PUM1: variants seen among roughly 807,000 people sequenced by gnomAD.
PUM1 encodes pumilio RNA binding family member 1.
PUM1 carries 13 observed loss-of-function variants against 131.8 expected under a neutral mutation model. That is an observed-to-expected ratio of 0.10 (90% CI 0.06 to 0.16). PUM1 has a LOEUF of 0.16. Ranked by LOEUF, PUM1 falls within the 10% of genes least tolerant of loss-of-function variation. The pLI is 1.00. For synonymous variants in PUM1, 509 were observed against 556.5 expected, an observed-to-expected ratio of 0.91 and a Z score of 1.20; for missense variants, 961 against 1,512.4, an observed-to-expected ratio of 0.64 and a Z score of 6.05.
intron 12 of PUM1, among the ~76,000 whole-genome samples, chr1:30,966,841 A>ATTATC (rs59269080): frequency 0.016 from 2,461 of 152,064 alleles, 68 homozygotes; most frequent in African/African-American, 0.055. Flanking sequence ...CTCCTCTAAA[A>ATTATC]TTATCTTAAA....
intron 18 of PUM1, among the ~76,000 whole-genome samples, chr1:30,944,376 T>A (rs1639584280): frequency 6.6e-6 from 1 of 152,070 alleles, no homozygotes. Context: ...TAGGAGACTG[T>A]AAGGACTTTG....
At chr1:31,053,433 G>A (rs1056075435) in intron 2 of PUM1, among the ~76,000 whole-genome samples, 22 of 150,804 alleles carry the variant, frequency 1.5e-4, no homozygotes, top group African/African-American at 3.2e-4. Context: ...GCTCTCTGCC[G>A]GGCGCAGTGG....
intron 2 of PUM1, among the ~76,000 whole-genome samples, chr1:31,041,708 T>C (rs1643820835): frequency 6.6e-6 from 1 of 152,202 alleles, no homozygotes; most frequent in Admixed American, 6.5e-5. Flanking sequence ...CTGTGCCTTC[T>C]GCCATGAGTA....
rs763667865 is a variant in PUM1 at position 30,995,227 on chromosome 1, A to G, written c.721-7T>C. ...TGTCTGCATCCCTTGGGCCCTGTTT[A>G]AAAAATAGCTTCAGCTTCACTAATC... On this transcript the variant is annotated splice_polypyrimidine_tract_variant and splice_region_variant and intron_variant, in intron 5 of 21. Transcript: ENST00000426105. 6 of 1,613,578 alleles carry G rather than the reference A, an allele frequency of 3.7e-6. No homozygotes were observed. The Admixed American group carries it at 1.0e-4, about 27-fold the overall frequency.
intron 3 of PUM1, among the ~76,000 whole-genome samples, chr1:31,009,614 AAAAATT>A (rs1329739357): frequency 1.3e-5 from 2 of 151,940 alleles, no homozygotes; most frequent in African/African-American, 4.8e-5. Flanking sequence ...TAAAAAACTC[AAAAATT>A]AGCTGCGTAT....
chr1:31,023,924 CAA>C (rs11373685), intron 3 of PUM1, among the ~76,000 whole-genome samples: 16 of 82,130 alleles, frequency 1.9e-4, no homozygotes, highest in Non-Finnish European at 2.9e-4. Context: ...GACTCTGTCT[CAA>C]AAAAAAAAAA....
chr1:31,058,421 G>A (rs927932215), intron 2 of PUM1, among the ~76,000 whole-genome samples: 6 of 152,168 alleles, frequency 3.9e-5, no homozygotes, highest in Non-Finnish European at 8.8e-5. Flanking sequence ...AGCACTTTGG[G>A]AGGCCGAGAT....
intron 3 of PUM1, among the ~76,000 whole-genome samples, chr1:31,026,624 T>C (rs2124543215): frequency 6.6e-6 from 1 of 152,344 alleles, no homozygotes; most frequent in Middle Eastern, 3.4e-3. Context: ...TTTACCCTAA[T>C]TAAGGGCACA....
At chr1:31,065,008 C>T (rs1374827992) in intron 1 of PUM1, among the ~76,000 whole-genome samples, 1 of 152,080 alleles carries the variant, frequency 6.6e-6, no homozygotes, top group Admixed American at 6.6e-5. Flanking sequence ...CAAGCTCACA[C>T]GGAAACAAAA....
chr1:30,995,792 G>A (rs1443831028), intron 5 of PUM1, among the ~76,000 whole-genome samples: 1 of 152,072 alleles, frequency 6.6e-6, no homozygotes, highest in Non-Finnish European at 1.5e-5. Flanking sequence ...CTGTCAATTT[G>A]CATCACCTCC....
At chr1:30,963,289 A>C (rs1410100107) in intron 14 of PUM1, among the ~76,000 whole-genome samples, 1 of 152,186 alleles carries the variant, frequency 6.6e-6, no homozygotes, top group African/African-American at 2.4e-5. Context: ...CCCAGTGTTT[A>C]AAGCCAGGCA....
chr1:30,935,706 TC>T (rs1346548838), intron 21 of PUM1: 2 of 440,452 alleles, frequency 4.5e-6, no homozygotes, highest in African/African-American at 2.0e-5. Context: ...AGAACTTGAG[TC>T]CATTAACAAA....
At chr1:30,945,227 C>G in intron 18 of PUM1, 119 bp downstream of exon 18, 2 of 1,163,946 alleles carry the variant, frequency 1.7e-6, no homozygotes, top group Non-Finnish European at 2.5e-6. Flanking sequence ...GAGTGGGATC[C>G]AGTCTCAAAA....
chr1:31,015,405 G>A (rs1442864666), intron 3 of PUM1, among the ~76,000 whole-genome samples: 2 of 151,632 alleles, frequency 1.3e-5, no homozygotes, highest in Non-Finnish European at 2.9e-5. Flanking sequence ...GCAGTGGCAT[G>A]ATCTCGGCTC....
intron 21 of PUM1, 101 bp from the exon 22 acceptor site, chr1:30,933,443 C>G: frequency 4.1e-5 from 13 of 319,058 alleles, no homozygotes; most frequent in Non-Finnish European, 3.9e-5. Flanking sequence ...CACACATACA[C>G]ACACACACAC....
At chr1:31,053,858 G>T (rs1248323131) in intron 2 of PUM1, among the ~76,000 whole-genome samples, 1 of 152,008 alleles carries the variant, frequency 6.6e-6, no homozygotes, top group Admixed American at 6.6e-5. Flanking sequence ...ACTTTGGGAG[G>T]CCGAGGCAGG....
chr1:30,952,496 T>C (rs969175595), intron 15 of PUM1, 133 bp from the exon 16 acceptor site: 1 of 1,302,000 alleles, frequency 7.7e-7, no homozygotes, highest in East Asian at 2.5e-5. Flanking sequence ...ATGCACACAA[T>C]AAACCAAACT....
chr1:31,047,417 T>C (rs1355866371), intron 2 of PUM1, among the ~76,000 whole-genome samples: 3 of 152,234 alleles, frequency 2.0e-5, no homozygotes, highest in African/African-American at 7.2e-5. Context: ...TGGCACTATG[T>C]TGTCAGTTCT....
Position 30,943,219 on chromosome 1 carries a change from T to C in PUM1, c.2995-1096A>G, listed in dbSNP as rs143417393. Reference sequence around the variant, plus strand: ...TTATGATTCCCATGTTCATTTACAATACTGTGAGTTTCTGTAGTTTATTCT... The same window carrying C: ...TTATGATTCCCATGTTCATTTACAACACTGTGAGTTTCTGTAGTTTATTCT... On this transcript the variant is annotated intron_variant, in intron 18 of 21. Coordinates refer to ENST00000426105, the MANE Select transcript of PUM1 (RefSeq NM_001020658.2). Among the ~76,000 whole-genome samples, 206 of 152,324 alleles carry C rather than the reference T, an allele frequency of 1.4e-3. 2 individuals are homozygous for C. The highest frequency in any genetic ancestry group is 2.7e-3 in the Admixed American group (41 of 15,290).
Sources: allele counts gnomAD v4.1 joint callset (sites outside exome capture counted in the v4.1 genomes callset), GRCh38; gene constraint gnomAD v4.1.1; transcripts MANE v1.5; gene names NCBI Gene and HGNC (gene_info 2026-07-23, HGNC 2026-07-21).